ALDH1L1: variants seen among roughly 807,000 people sequenced by gnomAD.
ALDH1L1 encodes aldehyde dehydrogenase 1 family member L1.
In ALDH1L1, 68 loss-of-function variants were observed where a neutral mutation model predicts 101.1. The observed-to-expected ratio is 0.67, with a 90% CI of 0.55 to 0.82. The LOEUF (loss-of-function observed/expected upper bound fraction) is 0.82. Ranked by LOEUF, ALDH1L1 falls within the 40% of genes least tolerant of loss-of-function variation. The pLI is 0.00. For missense variants in ALDH1L1, 1,087 were observed against 1,172.7 expected (o/e 0.93, Z 1.07); for synonymous variants, 486 against 470.8 (o/e 1.03, Z -0.42).
At chr3:126,120,005 AG>A (rs1476684499) in intron 16 of ALDH1L1, among the ~76,000 whole-genome samples, 1 of 152,276 alleles carries the variant, frequency 6.6e-6, no homozygotes, top group Non-Finnish European at 1.5e-5. Flanking sequence ...GTGGAGCAAC[AG>A]GAACTCTCAG....
At chr3:126,150,603 G>A in intron 7 of ALDH1L1, 72 bp from the exon 8 acceptor site, 1 of 1,479,124 alleles carries the variant, frequency 6.8e-7, no homozygotes, top group Non-Finnish European at 9.1e-7. Flanking sequence ...TGCCCAGGCT[G>A]GAGTGCAGTG....
At chr3:126,155,806 A>G (rs577940404) in intron 4 of ALDH1L1, 243 of 224,854 alleles carry the variant, frequency 1.1e-3, no homozygotes, top group Non-Finnish European at 1.8e-3. Context: ...CACAGACACA[A>G]ATGTCCATGT....
At chr3:126,150,617 C>G (rs978828203) in intron 7 of ALDH1L1, 86 bp from the exon 8 acceptor site, 3 of 1,433,910 alleles carry the variant, frequency 2.1e-6, no homozygotes, top group East Asian at 2.9e-5. Flanking sequence ...TGCAGTGGTG[C>G]GATCTCGGCT....
intron 1 of ALDH1L1, among the ~76,000 whole-genome samples, chr3:126,195,169 A>T (rs1036856106): frequency 1.3e-5 from 2 of 152,170 alleles, no homozygotes; most frequent in African/African-American, 4.8e-5. Flanking sequence ...CAATTTCAAA[A>T]GTCAAAGCAG....
At chr3:126,154,466 A>G in intron 6 of ALDH1L1, 88 bp downstream of exon 6, 2 of 1,345,532 alleles carry the variant, frequency 1.5e-6, no homozygotes, top group Non-Finnish European at 2.1e-6. Context: ...TATTTATTAT[A>G]CCAACCAGTT....
chr3:126,114,864 C>G (rs892575435), intron 17 of ALDH1L1: 3 of 613,510 alleles, frequency 4.9e-6, no homozygotes, highest in Admixed American at 4.3e-5. Context: ...CAGGCCTGTG[C>G]CCCACTGCCC....
intron 9 of ALDH1L1, among the ~76,000 whole-genome samples, chr3:126,145,215 T>C (rs1433808590): frequency 2.0e-5 from 3 of 152,144 alleles, no homozygotes; most frequent in Non-Finnish European, 4.4e-5. Flanking sequence ...AAAGTAAGCA[T>C]TGGCAAAGAT....
intron 1 of ALDH1L1, among the ~76,000 whole-genome samples, chr3:126,192,296 CT>C (rs2081557237): frequency 6.6e-6 from 1 of 152,162 alleles, no homozygotes; most frequent in South Asian, 2.1e-4. Context: ...ATTAAATCTT[CT>C]GCAATTGATG....
chr3:126,114,252 C>G (rs963272466), intron 18 of ALDH1L1, among the ~76,000 whole-genome samples: 3 of 152,174 alleles, frequency 2.0e-5, no homozygotes, highest in African/African-American at 7.2e-5. Context: ...TATTTCAGAA[C>G]AGATGGAGCT....
rs1438284785 is a variant in ALDH1L1 at position 126,137,805 on chromosome 3, G to C, written c.1224+8C>G. On this transcript the variant is annotated splice_region_variant and intron_variant, in intron 10 of 22. Coordinates refer to ENST00000393434, the MANE Select transcript of ALDH1L1 (RefSeq NM_012190.4). ...CAGGGCCTGCTGCAGGGAGGGCCCAGCACTCACGTAGTCAATGCTGCACTC... is the reference window on the plus strand; with the variant it reads ...CAGGGCCTGCTGCAGGGAGGGCCCACCACTCACGTAGTCAATGCTGCACTC... 6.2e-7 allele frequency: 1 copy of C among 1,612,894 alleles called. No individual in the cohort carries two copies. Among genetic ancestry groups the C allele is most frequent in the South Asian group, 1.1e-5 (1 of 90,854 alleles).
At chr3:126,124,472 G>A in intron 15 of ALDH1L1, 21 bp from the exon 16 acceptor site, 1 of 1,604,166 alleles carries the variant, frequency 6.2e-7, no homozygotes, top group South Asian at 1.1e-5. Context: ...GGCCAGGAAA[G>A]GAGACTGGGT....
intron 1 of ALDH1L1, among the ~76,000 whole-genome samples, chr3:126,189,382 T>C (rs2081539445): frequency 6.6e-6 from 1 of 152,194 alleles, no homozygotes; most frequent in South Asian, 2.1e-4. Flanking sequence ...ATCTAACATG[T>C]CATCTGCTTC....
intron 10 of ALDH1L1, 100 bp downstream of exon 10, chr3:126,137,713 C>T: frequency 6.7e-7 from 1 of 1,485,130 alleles, no homozygotes; most frequent in South Asian, 1.3e-5. Context: ...GGGGCCCTGG[C>T]TTTCTGAATG....
chr3:126,154,976 C>T (rs1376895995), intron 5 of ALDH1L1, among the ~76,000 whole-genome samples: 1 of 152,192 alleles, frequency 6.6e-6, no homozygotes, highest in Non-Finnish European at 1.5e-5. Flanking sequence ...CCTGTGGGTC[C>T]CCACACAGCA....
intron 4 of ALDH1L1, 40 bp from the exon 5 acceptor site, chr3:126,155,543 C>T (rs2080888490): frequency 6.4e-7 from 1 of 1,569,942 alleles, no homozygotes. Flanking sequence ...AGCAATAGGA[C>T]CCTGCCTCCT....
intron 1 of ALDH1L1, among the ~76,000 whole-genome samples, chr3:126,187,079 G>A (rs1019631040): frequency 4.3e-4 from 66 of 152,162 alleles, no homozygotes; most frequent in Non-Finnish European, 1.5e-5. Flanking sequence ...AGCACACACT[G>A]CGAAGTGTTT....
chr3:126,110,134 T>G lies in ALDH1L1; in HGVS notation c.2182-25A>C, dbSNP rs1022736590. 6 of 1,612,578 alleles carry G rather than the reference T, an allele frequency of 3.7e-6. No individual in the cohort carries two copies. The Admixed American group carries it at 1.0e-4, about 27-fold the overall frequency. ...CCTGCAGAAAGTCCTCCAAGTCAGG[T>G]GTGGCTTGTGCTGCCACAGTTTCTG... On this transcript the variant is annotated intron_variant, in intron 19 of 22. Coordinates refer to ENST00000393434, the MANE Select transcript of ALDH1L1 (RefSeq NM_012190.4).
At chr3:126,147,026 GC>G in intron 8 of ALDH1L1, 100 bp from the exon 9 acceptor site, 1 of 1,138,752 alleles carries the variant, frequency 8.8e-7, no homozygotes, top group Non-Finnish European at 1.3e-6. Context: ...ATGGCCTGGG[GC>G]CAGGCTGGGC....
At chr3:126,130,139 T>G in intron 14 of ALDH1L1, 84 bp downstream of exon 14, 53 of 1,304,564 alleles carry the variant, frequency 4.1e-5, no homozygotes, top group Non-Finnish European at 5.0e-5. Flanking sequence ...CAGGGTGCTG[T>G]GAGCTCCCGC....
Sources: allele counts gnomAD v4.1 joint callset (sites outside exome capture counted in the v4.1 genomes callset), GRCh38; gene constraint gnomAD v4.1.1; transcripts MANE v1.5; gene names NCBI Gene and HGNC (gene_info 2026-07-23, HGNC 2026-07-21).